Variants in KLHL32 observed in about 807,000 individuals in gnomAD.
The protein encoded by KLHL32 is kelch-like protein 32.
Under a neutral mutation model 64.8 loss-of-function variants are expected in KLHL32, and 35 were observed. The ratio of observed to expected loss-of-function variants is 0.54; its 90% CI spans 0.41 to 0.72. The LOEUF (loss-of-function observed/expected upper bound fraction) is 0.72. KLHL32 is among the 30% of genes least tolerant of loss of function. KLHL32 has a pLI of 0.00. For missense variants in KLHL32, 589 were observed against 768.5 expected, an observed-to-expected ratio of 0.77 and a Z score of 2.76; for synonymous variants, 259 against 281.0, an observed-to-expected ratio of 0.92 and a Z score of 0.78.
the KLHL32 span, among the ~76,000 whole-genome samples, chr6:96,917,010 A>C: frequency 1.3e-5 from 2 of 152,232 alleles, no homozygotes; most frequent in Non-Finnish European, 2.9e-5. Context: ...AGTCAAAAAC[A>C]TAACAACAAC....
At chr6:97,138,883 A>G (rs1800364365) in intron 10 of KLHL32, among the ~76,000 whole-genome samples, 1 of 152,204 alleles carries the variant, frequency 6.6e-6, no homozygotes, top group African/African-American at 2.4e-5. Flanking sequence ...CTGAAGATTA[A>G]ATGCTTATAA....
At chr6:97,005,503 A>T (rs1779558314) in intron 3 of KLHL32, among the ~76,000 whole-genome samples, 1 of 151,564 alleles carries the variant, frequency 6.6e-6, no homozygotes, top group African/African-American at 2.4e-5. Context: ...GATTTTGGTT[A>T]TTTCTTGTCT....
At chr6:96,921,227 A>C (rs1768745714), upstream of KLHL32, among the ~76,000 whole-genome samples, 1 of 152,174 alleles carries the variant, frequency 6.6e-6, no homozygotes, top group Admixed American at 6.5e-5. Flanking sequence ...AGCACTGTAA[A>C]TTTTTACAAA....
intron 1 of KLHL32, among the ~76,000 whole-genome samples, chr6:96,930,980 C>A (rs1361234970): frequency 6.6e-6 from 1 of 152,252 alleles, no homozygotes; most frequent in Non-Finnish European, 1.5e-5. Context: ...AAGTACCTGG[C>A]GGGTACAGAC....
At chr6:97,130,714 G>T in intron 8 of KLHL32, 43 bp from the exon 9 acceptor site, 1 of 1,517,620 alleles carries the variant, frequency 6.6e-7, no homozygotes. Context: ...TTCTGACATG[G>T]AGGTCTCCTA....
Position 96,993,190 on chromosome 6 carries a change from A to G in KLHL32, c.204+17013A>G, listed in dbSNP as rs537255951. On this transcript the variant is annotated intron_variant, in intron 3 of 10. Coordinates refer to ENST00000369261, the MANE Select transcript of KLHL32 (RefSeq NM_052904.4). ...AGTATTTTCTGTTAGCTTTTGCTGC[A>G]TAACAAAGTACCCGAAAACCTAGAG... 4.6e-5 allele frequency among the ~76,000 whole-genome samples: 7 copies of G among 152,366 alleles called. No individual in the cohort carries two copies. The South Asian group carries it at 1.4e-3, about 32-fold the overall frequency.
chr6:97,117,468 C>A (rs1409818413), intron 7 of KLHL32, among the ~76,000 whole-genome samples: 2 of 152,116 alleles, frequency 1.3e-5, no homozygotes, highest in East Asian at 3.8e-4. Context: ...CCACACCTCT[C>A]CCCCATTTTG....
At chr6:96,959,802 A>G (rs1302303846) in intron 1 of KLHL32, among the ~76,000 whole-genome samples, 1 of 152,172 alleles carries the variant, frequency 6.6e-6, no homozygotes, top group Non-Finnish European at 1.5e-5. Context: ...TCTTCAGAAC[A>G]ATGCCAAGTG....
chr6:96,959,184 C>G (rs1773614396), intron 1 of KLHL32, among the ~76,000 whole-genome samples: 1 of 152,100 alleles, frequency 6.6e-6, no homozygotes. Flanking sequence ...GTCTCAGGCC[C>G]CAGGAGGCCT....
chr6:96,935,675 G>A (rs1770508554), intron 1 of KLHL32, among the ~76,000 whole-genome samples: 1 of 152,188 alleles, frequency 6.6e-6, no homozygotes, highest in Non-Finnish European at 1.5e-5. Flanking sequence ...TGAGTCTAAT[G>A]TGTATTTCTA....
At chr6:97,102,837 T>C (rs1164311704) in intron 6 of KLHL32, among the ~76,000 whole-genome samples, 1 of 152,060 alleles carries the variant, frequency 6.6e-6, no homozygotes, top group East Asian at 1.9e-4. Context: ...ATGGTATATA[T>C]ACATATAACT....
chr6:96,975,553 G>T (rs981165619), intron 2 of KLHL32, among the ~76,000 whole-genome samples: 1 of 152,146 alleles, frequency 6.6e-6, no homozygotes, highest in Non-Finnish European at 1.5e-5. Flanking sequence ...AGGTACAAAG[G>T]TGGGGAAGGA....
chr6:97,129,832 G>A (rs1237535054), intron 8 of KLHL32, among the ~76,000 whole-genome samples: 4 of 152,100 alleles, frequency 2.6e-5, no homozygotes, highest in African/African-American at 9.7e-5. Context: ...GCAGTGAGCC[G>A]AGATCATGTC....
At chr6:97,119,237 A>G (rs904527972) in intron 7 of KLHL32, among the ~76,000 whole-genome samples, 1 of 152,184 alleles carries the variant, frequency 6.6e-6, no homozygotes, top group Non-Finnish European at 1.5e-5. Flanking sequence ...TGGCACTCTC[A>G]GCCCTCTCTA....
intron 3 of KLHL32, among the ~76,000 whole-genome samples, chr6:97,032,637 G>T (rs1429843043): frequency 6.6e-6 from 1 of 152,078 alleles, no homozygotes; most frequent in African/African-American, 2.4e-5. Context: ...CGGGATTGGT[G>T]GCAAGCAGGC....
At chr6:96,965,809 G>T (rs1774389214) in intron 1 of KLHL32, among the ~76,000 whole-genome samples, 1 of 152,040 alleles carries the variant, frequency 6.6e-6, no homozygotes, top group Non-Finnish European at 1.5e-5. Context: ...TCACTTTTAG[G>T]TTTGTCCAGA....
At chr6:97,066,309 G>A (rs1021911202) in intron 5 of KLHL32, among the ~76,000 whole-genome samples, 15 of 152,326 alleles carry the variant, frequency 9.8e-5, no homozygotes, top group Non-Finnish European at 1.5e-4. Context: ...ATGCAGGGGT[G>A]TGTGGGTATA....
intron 10 of KLHL32, among the ~76,000 whole-genome samples, chr6:97,134,583 AT>A (rs1342160095): frequency 1.3e-5 from 2 of 152,170 alleles, no homozygotes; most frequent in African/African-American, 2.4e-5. Flanking sequence ...GGGACCCTTC[AT>A]TTGATCACTT....
chr6:97,092,241 G>A (rs1013805317), intron 6 of KLHL32, among the ~76,000 whole-genome samples: 3 of 151,874 alleles, frequency 2.0e-5, no homozygotes, highest in South Asian at 2.1e-4. Context: ...CACCTGCCTC[G>A]GCCTCCCAAA....
Sources: allele counts gnomAD v4.1 joint callset (sites outside exome capture counted in the v4.1 genomes callset), GRCh38; gene constraint gnomAD v4.1.1; transcripts MANE v1.5; gene names NCBI Gene and HGNC (gene_info 2026-07-23, HGNC 2026-07-21).